The following TUSC3 variants were observed in gnomAD, a reference collection of about 807,000 sequenced individuals.
TUSC3 encodes tumor suppressor candidate 3.
Under a neutral mutation model 44.8 loss-of-function variants are expected in TUSC3, and 45 were observed. That is an observed-to-expected ratio of 1.00 (90% CI 0.79 to 1.29). TUSC3 has a LOEUF of 1.29. Ranked by LOEUF, TUSC3 falls within the 50% of genes most tolerant of loss-of-function variation. The pLI is 0.00. For synonymous variants in TUSC3, 212 were observed against 152.9 expected, an observed-to-expected ratio of 1.39 and a Z score of -2.85; for missense variants, 519 against 437.9, an observed-to-expected ratio of 1.19 and a Z score of -1.65.
Position 15,743,764 on chromosome 8 carries a change from G to A in TUSC3, c.937+152G>A. 8.2e-6 allele frequency: 7 copies of A among 856,332 alleles called. No individual in the cohort carries two copies. In the South Asian group the frequency reaches 9.8e-5, roughly 12 times the overall value. 53.0% of individuals were successfully genotyped at this position (856,332 alleles called of 1,614,324 possible). On this transcript the variant is annotated intron_variant, in intron 8 of 10. Coordinates refer to ENST00000503731, the MANE Select transcript of TUSC3 (RefSeq NM_006765.4). Reference sequence around the variant, plus strand: ...TTTAACTTTTTTCTATTGCTGGGATGTGTTCATATACTTGAAAATATATTT... The same window carrying A: ...TTTAACTTTTTTCTATTGCTGGGATATGTTCATATACTTGAAAATATATTT...
chr8:15,751,702 A>G (rs989813111), intron 9 of TUSC3, among the ~76,000 whole-genome samples: 1 of 152,196 alleles, frequency 6.6e-6, no homozygotes, highest in Admixed American at 6.5e-5. Flanking sequence ...ATAAAAGTTA[A>G]CACCACCAAA....
At chr8:15,603,687 G>A (rs972828532) in intron 1 of TUSC3, among the ~76,000 whole-genome samples, 5 of 151,636 alleles carry the variant, frequency 3.3e-5, no homozygotes, top group African/African-American at 1.2e-4. Context: ...AAATGATGAT[G>A]AACATGAACT....
chr8:15,651,162 T>C, intron 3 of TUSC3: 1 of 291,410 alleles, frequency 3.4e-6, no homozygotes, highest in Non-Finnish European at 6.6e-6. Flanking sequence ...TTTTAACTTT[T>C]GCAACATAGA....
At chr8:15,600,136 A>T (rs1356555806) in intron 1 of TUSC3, among the ~76,000 whole-genome samples, 1 of 151,766 alleles carries the variant, frequency 6.6e-6, no homozygotes, top group East Asian at 1.9e-4. Flanking sequence ...ATGCTTTTTA[A>T]AACAAAACAA....
the TUSC3 span, among the ~76,000 whole-genome samples, chr8:15,839,413 T>C: frequency 6.6e-6 from 1 of 151,848 alleles, no homozygotes; most frequent in African/African-American, 2.4e-5. Flanking sequence ...AAGTGGTGAG[T>C]GAGGGCATCC....
chr8:15,567,769 A>G (rs35187410), intron 1 of TUSC3, among the ~76,000 whole-genome samples: 49,113 of 152,004 alleles, frequency 0.32, 9,318 homozygotes, highest in Non-Finnish European at 0.42. Context: ...TTGCCTCTCT[A>G]CAAAATTTTG....
At chr8:15,792,260 C>G in the TUSC3 span, among the ~76,000 whole-genome samples, 1 of 152,280 alleles carries the variant, frequency 6.6e-6, no homozygotes, top group South Asian at 2.1e-4. Flanking sequence ...GGTTGGCTCT[C>G]ATATTTCCAT....
intron 6 of TUSC3, among the ~76,000 whole-genome samples, chr8:15,700,849 C>CTTTTTTTTTGTTTTTTTT (rs1809367658): frequency 1.1e-5 from 1 of 90,536 alleles, no homozygotes; most frequent in African/African-American, 4.9e-5. Context: ...ATGGCTGGAG[C>CTTTTTTTTTGTTTTTTTT]TTTTTTTTTT....
the TUSC3 span, among the ~76,000 whole-genome samples, chr8:15,793,701 AT>A: frequency 6.6e-6 from 1 of 152,192 alleles, no homozygotes; most frequent in Admixed American, 6.5e-5. Flanking sequence ...AGGATTTTTT[AT>A]TAATGCATAG....
chr8:15,554,021 G>A (rs1802145634), intron 1 of TUSC3, among the ~76,000 whole-genome samples: 1 of 151,544 alleles, frequency 6.6e-6, no homozygotes, highest in Admixed American at 6.6e-5. Context: ...TGGGAGCTGG[G>A]AAGTCCAAGA....
chr8:15,469,392 C>T (rs1043766781), intron 1 of TUSC3, among the ~76,000 whole-genome samples: 4 of 152,028 alleles, frequency 2.6e-5, no homozygotes, highest in East Asian at 3.9e-4. Context: ...GGCAAATAAA[C>T]GTATGAAAAT....
chr8:15,783,787 T>C, the TUSC3 span, among the ~76,000 whole-genome samples: 3 of 152,140 alleles, frequency 2.0e-5, no homozygotes, highest in East Asian at 1.9e-4. Flanking sequence ...CTTCATGGCA[T>C]TGGTCTGGGC....
intron 2 of TUSC3, among the ~76,000 whole-genome samples, chr8:15,526,792 G>C (rs556489736): frequency 2.6e-5 from 4 of 152,112 alleles, no homozygotes; most frequent in Non-Finnish European, 5.9e-5. Flanking sequence ...ATAAGGACCG[G>C]TACTAAAGTT....
chr8:15,746,098 C>G (rs1286783987), intron 8 of TUSC3, among the ~76,000 whole-genome samples: 3 of 151,984 alleles, frequency 2.0e-5, no homozygotes, highest in Admixed American at 6.6e-5. Context: ...TCTGCGATTT[C>G]TATTCTGTTC....
chr8:15,655,156 AAAT>A (rs1175897984), intron 3 of TUSC3, among the ~76,000 whole-genome samples: 18 of 152,128 alleles, frequency 1.2e-4, no homozygotes, highest in African/African-American at 4.1e-4. Context: ...TGTCTTGCTA[AAAT>A]AATAATTGGT....
the TUSC3 span, among the ~76,000 whole-genome samples, chr8:15,795,480 T>G: frequency 2.0e-5 from 3 of 152,170 alleles, no homozygotes; most frequent in African/African-American, 7.2e-5. Flanking sequence ...CATTAAAAAA[T>G]GTGTCACTTA....
At chr8:15,586,160 CT>C (rs1315207636) in intron 1 of TUSC3, among the ~76,000 whole-genome samples, 1 of 152,076 alleles carries the variant, frequency 6.6e-6, no homozygotes, top group Non-Finnish European at 1.5e-5. Flanking sequence ...ATATATTTGC[CT>C]GTTAAAAGGT....
intron 5 of TUSC3, 70 bp downstream of exon 5, chr8:15,662,366 C>G (rs1308105598): frequency 6.3e-7 from 1 of 1,584,782 alleles, no homozygotes; most frequent in East Asian, 2.2e-5. Context: ...ATAATATTAA[C>G]AAAATGAGCC....
intron 2 of TUSC3, among the ~76,000 whole-genome samples, chr8:15,636,393 A>T (rs1311681050): frequency 6.6e-6 from 1 of 152,140 alleles, no homozygotes; most frequent in African/African-American, 2.4e-5. Flanking sequence ...GCACTCTTAA[A>T]TATACCATTT....
Sources: allele counts gnomAD v4.1 joint callset (sites outside exome capture counted in the v4.1 genomes callset), GRCh38; gene constraint gnomAD v4.1.1; transcripts MANE v1.5; gene names NCBI Gene and HGNC (gene_info 2026-07-23, HGNC 2026-07-21).